CACNA1E: variants seen among roughly 807,000 people sequenced by gnomAD.
CACNA1E encodes voltage-dependent R-type calcium channel subunit alpha-1E.
CACNA1E carries 40 observed loss-of-function variants against 259.2 expected under a neutral mutation model. The ratio of observed to expected loss-of-function variants is 0.15; its 90% CI spans 0.12 to 0.20. CACNA1E has a LOEUF of 0.20. Among genes scored for constraint, CACNA1E ranks in the 10% least tolerant of loss-of-function variants. The pLI is 1.00. For missense variants in CACNA1E, 1,874 were observed against 3,040.1 expected, an observed-to-expected ratio of 0.62 and a Z score of 9.02; for synonymous variants, 1,104 against 1,138.5, an observed-to-expected ratio of 0.97 and a Z score of 0.61.
chr1:181,483,501 CTT>C (rs111237511), upstream of CACNA1E: 1,492 of 208,652 alleles, frequency 7.2e-3, no homozygotes, highest in East Asian at 0.015. Context: ...TTTCTTTTTT[CTT>C]TTTTTTTTTT....
intron 3 of CACNA1E, among the ~76,000 whole-genome samples, chr1:181,527,323 A>G (rs570259985): frequency 2.6e-5 from 4 of 152,252 alleles, no homozygotes; most frequent in Admixed American, 6.5e-5. Context: ...CACTAATCCC[A>G]TATAAGAGCA....
At chr1:181,720,366 G>C (rs560597086) in intron 14 of CACNA1E, 29 bp downstream of exon 14, 2 of 1,604,626 alleles carry the variant, frequency 1.2e-6, no homozygotes, top group Admixed American at 3.4e-5. Context: ...TCCATCCAAA[G>C]GAGGCTCAAA....
At position 181,776,093 on chromosome 1, in the gene CACNA1E, C is replaced by T; in HGVS notation, c.5140-8C>T. Reference sequence around the variant, plus strand: ...CCCCTAACCCCTCTTCTTCCCCTTGCCCTTCAGATGCTCAACCTGTTTGTG... The same window carrying T: ...CCCCTAACCCCTCTTCTTCCCCTTGTCCTTCAGATGCTCAACCTGTTTGTG... On this transcript the variant is annotated splice_polypyrimidine_tract_variant and splice_region_variant and intron_variant, in intron 37 of 47. Transcript: ENST00000367573. The surrounding 1 kb of genome is among the most constrained non-coding windows in gnomAD (Gnocchi z 4.4). 6.2e-7 allele frequency: 1 copy of T among 1,611,340 alleles called. No individual in the cohort carries two copies. Among genetic ancestry groups the T allele is most frequent in the South Asian group, 1.1e-5 (1 of 90,588 alleles).
chr1:181,475,833 CCCTAACTT>C (rs1275204332), intron 2 of CACNA1E, among the ~76,000 whole-genome samples: 2 of 152,090 alleles, frequency 1.3e-5, no homozygotes, highest in Non-Finnish European at 2.9e-5. Flanking sequence ...ATGCAGCTAC[CCCTAACTT>C]CATTGGACAC....
chr1:181,362,467 A>G (rs987746568), intron 1 of CACNA1E, among the ~76,000 whole-genome samples: 2 of 152,234 alleles, frequency 1.3e-5, no homozygotes, highest in African/African-American at 4.8e-5. Context: ...TGTAGTCTCC[A>G]GTGAGGAACT....
intron 2 of CACNA1E, among the ~76,000 whole-genome samples, chr1:181,451,351 C>T (rs1661142862): frequency 6.6e-6 from 1 of 151,088 alleles, no homozygotes; most frequent in South Asian, 2.1e-4. Flanking sequence ...GGTAGGGTTC[C>T]TGTGGCAGTT....
At chr1:181,401,224 G>A (rs1002552665) in intron 1 of CACNA1E, among the ~76,000 whole-genome samples, 11 of 152,158 alleles carry the variant, frequency 7.2e-5, no homozygotes, top group South Asian at 2.1e-4. Context: ...GGCCTACTCT[G>A]ACCACACTGT....
intron 7 of CACNA1E, among the ~76,000 whole-genome samples, chr1:181,703,599 T>TA (rs1333375290): frequency 6.6e-6 from 1 of 152,160 alleles, no homozygotes; most frequent in Admixed American, 6.5e-5. Context: ...GAGATCTCAA[T>TA]ATTGAGAAGA....
At chr1:181,437,283 CT>C (rs1159090125) in intron 2 of CACNA1E, among the ~76,000 whole-genome samples, 1 of 152,082 alleles carries the variant, frequency 6.6e-6, no homozygotes, top group Admixed American at 6.6e-5. Flanking sequence ...CTCATTCTTT[CT>C]TTTTTCTGTG....
intron 6 of CACNA1E, 133 bp downstream of exon 6, chr1:181,580,909 ACTCAACTGGGATAAGC>A: frequency 1.4e-6 from 1 of 720,884 alleles, no homozygotes. Flanking sequence ...GGAGGTGAAG[ACTCAACTGGGATAAGC>A]CTTAGCAGTT....
chr1:181,738,513 C>T lies in CACNA1E; in HGVS notation c.3612+87C>T, dbSNP rs1656268031. 4.7e-6 allele frequency: 5 copies of T among 1,058,430 alleles called. No homozygotes were observed. In the Admixed American group the frequency reaches 5.4e-5, roughly 11 times the overall value. The allele number at this position is 1,058,430 out of a possible 1,614,324, so 65.6% of individuals were successfully genotyped here. A position where few individuals can be genotyped will look rare whatever the true frequency, so the allele number is the denominator to read the frequency against. On this transcript the variant is annotated intron_variant, in intron 24 of 47. Transcript: ENST00000367573. ...AGGCTAGAGCCCTTCCTCAGTGTTA[C>T]CACCTACCAGCCAATGGCAGCCCTC... is the stretch of plus-strand genomic sequence containing the variant.
At chr1:181,492,749 C>T (rs577398614) in intron 1 of CACNA1E, among the ~76,000 whole-genome samples, 1 of 152,194 alleles carries the variant, frequency 6.6e-6, no homozygotes, top group Admixed American at 6.5e-5. Context: ...TGATACCTTC[C>T]CCAACCTGAC....
chr1:181,724,284 C>T (rs1246964215), intron 16 of CACNA1E, among the ~76,000 whole-genome samples, 186 bp from the exon 17 acceptor site: 1 of 152,174 alleles, frequency 6.6e-6, no homozygotes, highest in Non-Finnish European at 1.5e-5. Flanking sequence ...GAAATATCCT[C>T]TTTCTCCTTT....
chr1:181,750,567 G>A, intron 26 of CACNA1E, 80 bp downstream of exon 26: 1 of 1,342,606 alleles, frequency 7.4e-7, no homozygotes, highest in Non-Finnish European at 1.1e-6. Context: ...TGGGAGGGGA[G>A]GGGCTCACGC....
chr1:181,776,047 C>T lies in CACNA1E; in HGVS notation c.5140-54C>T, dbSNP rs2102795404. The T allele has an allele frequency of 6.4e-7, 1 of 1,557,884 alleles. No homozygotes were observed. Among genetic ancestry groups the T allele is most frequent in the East Asian group, 2.3e-5 (1 of 44,280 alleles). The stretch of plus-strand genomic sequence containing the variant: ...TGCCCTGAAGCCTGTTCTTCTGCTT[C>T]CTGAGCTCTGCTTTAGGTTTCCCCT... On this transcript the variant is annotated intron_variant, in intron 37 of 47. Transcript: ENST00000367573. This position sits in a 1 kb window ranked among gnomAD's most constrained non-coding sequence, Gnocchi z 4.4.
At chr1:181,684,220 C>G (rs1370082555) in intron 7 of CACNA1E, among the ~76,000 whole-genome samples, 5 of 152,078 alleles carry the variant, frequency 3.3e-5, no homozygotes, top group Admixed American at 2.6e-4. Context: ...ATTTGCGTTT[C>G]TCTAATGATT....
intron 6 of CACNA1E, among the ~76,000 whole-genome samples, chr1:181,625,117 T>C (rs745371162): frequency 3.0e-4 from 45 of 148,816 alleles, no homozygotes; most frequent in Middle Eastern, 3.5e-3. Flanking sequence ...GAAACCATGC[T>C]GTAAACAGAT....
chr1:181,672,137 G>A (rs1648871464), intron 7 of CACNA1E, among the ~76,000 whole-genome samples: 1 of 152,232 alleles, frequency 6.6e-6, no homozygotes, highest in Non-Finnish European at 1.5e-5. Flanking sequence ...CGCAGGAAGA[G>A]AAAACCAAAT....
At chr1:181,714,042 C>A (rs1653651618) in intron 8 of CACNA1E, among the ~76,000 whole-genome samples, 1 of 152,170 alleles carries the variant, frequency 6.6e-6, no homozygotes, top group Non-Finnish European at 1.5e-5. Flanking sequence ...GTTCAACAAT[C>A]AGTTAAATTC....
Sources: gnomAD v4.1 joint callset for allele counts (sites outside exome capture counted in the v4.1 genomes callset) on GRCh38, gnomAD v4.1.1 for gene constraint, Gnocchi (gnomAD v3.1) non-coding constraint, MANE v1.5 for transcripts, NCBI Gene and HGNC (gene_info 2026-07-23, HGNC 2026-07-21) for gene names.